The following CDX1 variants were observed in gnomAD, a reference collection of about 807,000 sequenced individuals.
CDX1 encodes homeobox protein CDX-1.
CDX1 carries 9 observed loss-of-function variants against 16.9 expected under a neutral mutation model. That is an observed-to-expected ratio of 0.53 (90% CI 0.32 to 0.93). The LOEUF (loss-of-function observed/expected upper bound fraction) is 0.93, where lower values mean the gene tolerates loss of function less well. CDX1 is among the 40% of genes least tolerant of loss of function. The probability of loss-of-function intolerance (pLI) is 0.04; values close to 1 mark genes in which losing one functional copy is unlikely to be tolerated. For synonymous variants in CDX1, 179 were observed against 179.0 expected, an observed-to-expected ratio of 1.00 and a Z score of 0.00; for missense variants, 393 against 386.1, an observed-to-expected ratio of 1.02 and a Z score of -0.15.
chr5:150,183,461 T>C lies in CDX1; in HGVS notation c.592-13T>C. 1 of 1,586,382 alleles carries C rather than the reference T, an allele frequency of 6.3e-7. No homozygotes were observed. The highest frequency in any genetic ancestry group is 1.2e-5 in the South Asian group (1 of 86,898). On this transcript the variant is annotated splice_polypyrimidine_tract_variant and intron_variant, in intron 2 of 2. Coordinates refer to ENST00000231656, the MANE Select transcript of CDX1 (RefSeq NM_001804.3). ...CCTGCTGCCCACTCCATCTCTGTCC[T>C]CCAACCCCACAGGTGAAGATCTGGT...
intron 1 of CDX1, among the ~76,000 whole-genome samples, chr5:150,169,059 C>T (rs886306643): frequency 6.6e-6 from 1 of 152,160 alleles, no homozygotes; most frequent in South Asian, 2.1e-4. Flanking sequence ...GCCTGTGTTT[C>T]CTGCTCCTGT....
chr5:150,176,579 G>T (rs1172645330), intron 1 of CDX1, among the ~76,000 whole-genome samples: 1 of 152,194 alleles, frequency 6.6e-6, no homozygotes, highest in East Asian at 1.9e-4. Flanking sequence ...AAGGTGGCAG[G>T]GGGGGCCAGG....
At chr5:150,175,871 A>C (rs1340106725) in intron 1 of CDX1, among the ~76,000 whole-genome samples, 1 of 151,712 alleles carries the variant, frequency 6.6e-6, no homozygotes, top group Non-Finnish European at 1.5e-5. Flanking sequence ...CTCACGAGGG[A>C]CTCCACCAAC....
In CDX1 at chr5:150,183,562, T is replaced by C. The variant is rs747573045; in HGVS notation, c.680T>C (p.Met227Thr). The change falls in exon 3 of 3, where the codon ATG becomes ACG. Residue 227 changes from methionine (M) to threonine (T), a missense_variant. Coordinates refer to ENST00000231656, the MANE Select transcript of CDX1 (RefSeq NM_001804.3). ...CAGCAACAGCCCCCACAGCCGCCGA[T>C]GGCCCACGACATCACGGCCACCCCA... ...QQQQQPPQPPMAHDITATPAG... is the reference protein window; with the variant it reads ...QQQQQPPQPPTAHDITATPAG... The C allele has an allele frequency of 3.1e-6, 5 of 1,612,502 alleles. No individual in the cohort carries two copies. In the African/African-American group the frequency reaches 5.3e-5, roughly 17 times the overall value.
At chr5:150,175,732 G>T (rs554073551) in intron 1 of CDX1, among the ~76,000 whole-genome samples, 1 of 152,294 alleles carries the variant, frequency 6.6e-6, no homozygotes, top group South Asian at 2.1e-4. Context: ...CCTCCCCCTG[G>T]TGGTACAGAT....
intron 1 of CDX1, among the ~76,000 whole-genome samples, chr5:150,179,077 T>A (rs1011572394): frequency 1.3e-5 from 2 of 152,110 alleles, no homozygotes; most frequent in African/African-American, 4.8e-5. Context: ...GATTCTTCGG[T>A]CAAAGGGTAT....
chr5:150,178,063 G>T (rs1761591132), intron 1 of CDX1, among the ~76,000 whole-genome samples: 1 of 152,200 alleles, frequency 6.6e-6, no homozygotes, highest in Non-Finnish European at 1.5e-5. Flanking sequence ...CAAATTTTGA[G>T]ACCCATTCTA....
At chr5:150,178,498 C>G (rs1208227373) in intron 1 of CDX1, among the ~76,000 whole-genome samples, 1 of 152,098 alleles carries the variant, frequency 6.6e-6, no homozygotes, top group Non-Finnish European at 1.5e-5. Context: ...ATAATTCATC[C>G]CCAGCCCTCT....
intron 1 of CDX1, among the ~76,000 whole-genome samples, chr5:150,175,603 CGGGG>C (rs1761559739): frequency 6.6e-6 from 1 of 152,154 alleles, no homozygotes; most frequent in Non-Finnish European, 1.5e-5. Context: ...TATTAGCAGC[CGGGG>C]ACTGCCAGAT....
In CDX1 at chr5:150,183,565, C is replaced by T; in HGVS notation, c.683C>T (p.Ala228Val). The change falls in exon 3 of 3, where the codon GCC becomes GTC. Residue 228 changes from alanine to valine, a missense_variant. Ala to Val is a moderately conservative substitution (Grantham distance 64). Coordinates refer to ENST00000231656, the MANE Select transcript of CDX1 (RefSeq NM_001804.3). The part of the protein sequence containing the change: ...QQQQPPQPPM[A>V]HDITATPAGP... ...CAACAGCCCCCACAGCCGCCGATGG[C>T]CCACGACATCACGGCCACCCCAGCC... The T allele has an allele frequency of 3.7e-6, 6 of 1,612,108 alleles. No individual in the cohort carries two copies. The highest frequency in any genetic ancestry group is 5.1e-6 in the Non-Finnish European group (6 of 1,178,642).
rs199986969 is a variant in CDX1 at position 150,182,748 on chromosome 5, C to T, written c.446-20C>T. The T allele has an allele frequency of 1.6e-4, 249 of 1,540,254 alleles. No homozygotes were observed. The highest frequency in any genetic ancestry group is 1.9e-4 in the Non-Finnish European group (223 of 1,145,260). On this transcript the variant is annotated intron_variant, in intron 1 of 2. Transcript: ENST00000231656. ...CCTCCTCTCAACTCACCTTCCTTCC[C>T]GGCTCCTTCTGCTTCTCAGGTAAGA...
chr5:150,180,438 C>T (rs1761627075), intron 1 of CDX1, among the ~76,000 whole-genome samples: 1 of 152,224 alleles, frequency 6.6e-6, no homozygotes, highest in Admixed American at 6.5e-5. Context: ...CTGCTGCCTC[C>T]CATTCTCCAC....
At chr5:150,182,246 G>T (rs542048353) in intron 1 of CDX1, among the ~76,000 whole-genome samples, 7 of 152,164 alleles carry the variant, frequency 4.6e-5, no homozygotes, top group African/African-American at 1.7e-4. Context: ...TATCCCCTCC[G>T]TGTCTCCAGC....
At chr5:150,183,022 TC>T in intron 2 of CDX1, 109 bp downstream of exon 2, 1 of 1,299,888 alleles carries the variant, frequency 7.7e-7, no homozygotes, top group Non-Finnish European at 1.0e-6. Context: ...AGGTTGAGTC[TC>T]CAGGCCATTG....
chr5:150,175,763 G>A (rs1040079566), intron 1 of CDX1, among the ~76,000 whole-genome samples: 2 of 152,182 alleles, frequency 1.3e-5, no homozygotes, highest in African/African-American at 4.8e-5. Flanking sequence ...GCCCAAATAA[G>A]GGATCACATG....
At chr5:150,180,512 G>A (rs1419410958) in intron 1 of CDX1, among the ~76,000 whole-genome samples, 1 of 152,206 alleles carries the variant, frequency 6.6e-6, no homozygotes, top group African/African-American at 2.4e-5. Context: ...CTTGGTGGAG[G>A]GGGACAGGCG....
intron 1 of CDX1, among the ~76,000 whole-genome samples, chr5:150,181,647 G>A (rs758667840): frequency 9.2e-5 from 14 of 152,000 alleles, no homozygotes; most frequent in African/African-American, 2.9e-4. Flanking sequence ...AGGCCTTCAC[G>A]GCCCATTCTA....
Position 150,183,826 on chromosome 5 carries a change from T to G in CDX1, c.*146T>G. ...TCACCTATCCACCCTCTGCATCCCC[T>G]TGGCCCATCTGTGCAGTAAGCCTGT... On this transcript the variant is annotated 3_prime_UTR_variant, in exon 3 of 3. Coordinates refer to ENST00000231656, the MANE Select transcript of CDX1 (RefSeq NM_001804.3). 1 of 591,852 alleles carries G rather than the reference T, an allele frequency of 1.7e-6. No individual in the cohort carries two copies. The highest frequency in any genetic ancestry group is 3.4e-5 in the South Asian group (1 of 29,544). 36.7% of individuals were successfully genotyped at this position (591,852 alleles called of 1,614,324 possible).
intron 2 of CDX1, 126 bp from the exon 3 acceptor site, chr5:150,183,348 G>A: frequency 2.5e-6 from 2 of 809,360 alleles, no homozygotes; most frequent in Non-Finnish European, 1.9e-6. Context: ...CTGGGAGGCT[G>A]GAGAGGAGAT....
Sources: gnomAD v4.1 joint callset for allele counts (sites outside exome capture counted in the v4.1 genomes callset) on GRCh38, gnomAD v4.1.1 for gene constraint, MANE v1.5 for transcripts, NCBI Gene and HGNC (gene_info 2026-07-23, HGNC 2026-07-21) for gene names.